The following MAD1L1 variants were observed in gnomAD, a reference collection of about 807,000 sequenced individuals.
MAD1L1 encodes the protein mitotic arrest deficient 1 like 1.
MAD1L1 carries 95 observed loss-of-function variants against 96.9 expected under a neutral mutation model. The ratio of observed to expected loss-of-function variants is 0.98; its 90% CI spans 0.83 to 1.16. The LOEUF is 1.16. MAD1L1 is among the 50% of genes most tolerant of loss of function. MAD1L1 has a pLI of 0.00. For synonymous variants in MAD1L1, 473 were observed against 396.6 expected (o/e 1.19, Z -2.29); for missense variants, 1,007 against 954.4 (o/e 1.06, Z -0.73).
chr7:2,144,921 G>A (rs1018661730), intron 11 of MAD1L1, among the ~76,000 whole-genome samples: 2 of 152,122 alleles, frequency 1.3e-5, no homozygotes, highest in African/African-American at 2.4e-5. Flanking sequence ...TCTCTGACAC[G>A]CTCTGCTCAC....
At chr7:2,180,560 T>TA (rs2128600709) in intron 10 of MAD1L1, among the ~76,000 whole-genome samples, 1 of 152,288 alleles carries the variant, frequency 6.6e-6, no homozygotes, top group South Asian at 2.1e-4. Flanking sequence ...GGTTTTGTAA[T>TA]AAAAATAGTG....
intron 18 of MAD1L1, among the ~76,000 whole-genome samples, chr7:1,822,268 CTGTT>C (rs1416382445): frequency 1.3e-5 from 2 of 151,888 alleles, no homozygotes; most frequent in Non-Finnish European, 1.5e-5. Context: ...TGTATAGTGT[CTGTT>C]TGCAGAAAGT....
chr7:2,109,851 G>A (rs190507778), intron 11 of MAD1L1, among the ~76,000 whole-genome samples: 7 of 152,328 alleles, frequency 4.6e-5, no homozygotes, highest in Non-Finnish European at 1.0e-4. Flanking sequence ...TACAGGATAC[G>A]CTAATTATTC....
chr7:1,938,814 C>T (rs1375526403), intron 16 of MAD1L1, among the ~76,000 whole-genome samples: 1 of 147,418 alleles, frequency 6.8e-6, no homozygotes, highest in Non-Finnish European at 1.5e-5. Context: ...CGCACACACA[C>T]ACACGGGCCA....
chr7:1,919,248 G>A (rs1341534039), intron 17 of MAD1L1, among the ~76,000 whole-genome samples: 2 of 152,250 alleles, frequency 1.3e-5, no homozygotes, highest in Non-Finnish European at 1.5e-5. Context: ...CTGTTACGAC[G>A]TGGAGCAGGA....
At chr7:1,854,615 G>A (rs1784153051) in intron 18 of MAD1L1, among the ~76,000 whole-genome samples, 1 of 152,038 alleles carries the variant, frequency 6.6e-6, no homozygotes, top group Admixed American at 6.5e-5. Context: ...CGAAGACCCC[G>A]CCTCCTCATG....
chr7:2,142,560 G>C lies in MAD1L1; in HGVS notation c.1073+6592C>G, dbSNP rs1013258333. Among the ~76,000 whole-genome samples, 1 of 152,248 alleles carries C rather than the reference G, an allele frequency of 6.6e-6. No homozygotes were observed. Among genetic ancestry groups the C allele is most frequent in the Non-Finnish European group, 1.5e-5 (1 of 68,038 alleles). On this transcript the variant is annotated intron_variant, in intron 11 of 18. Transcript: ENST00000265854. This position sits in a 1 kb window ranked among gnomAD's most constrained non-coding sequence, Gnocchi z 4.7. ...CCACTGAGCCCACGGTGAAGGGCACGGTGCCACCCAGAGCTCCTGGCGCGT... is the reference window on the plus strand; with the variant it reads ...CCACTGAGCCCACGGTGAAGGGCACCGTGCCACCCAGAGCTCCTGGCGCGT...
chr7:1,965,621 G>A (rs887405786), intron 15 of MAD1L1, among the ~76,000 whole-genome samples: 9 of 152,236 alleles, frequency 5.9e-5, no homozygotes, highest in Non-Finnish European at 7.3e-5. Context: ...TGGACTCCCC[G>A]GCCCCCGTGG....
intron 18 of MAD1L1, among the ~76,000 whole-genome samples, chr7:1,887,548 C>CGT: frequency 7.5e-6 from 1 of 132,888 alleles, no homozygotes; most frequent in East Asian, 2.3e-4. Context: ...GCTGCCTGTG[C>CGT]ATGTGTGCAA....
chr7:2,072,361 C>G (rs17132133), intron 11 of MAD1L1, among the ~76,000 whole-genome samples: 3 of 152,196 alleles, frequency 2.0e-5, no homozygotes, highest in Non-Finnish European at 4.4e-5. Flanking sequence ...TCCCATCAGC[C>G]GCCTCGGAAA....
intron 16 of MAD1L1, among the ~76,000 whole-genome samples, chr7:1,947,973 G>C (rs1259129215): frequency 1.3e-5 from 2 of 152,244 alleles, no homozygotes; most frequent in African/African-American, 4.8e-5. Context: ...TGAGGCCCAA[G>C]GAGGGACAGA....
At chr7:2,198,089 T>TG (rs1189435250) in intron 10 of MAD1L1, among the ~76,000 whole-genome samples, 11 of 149,166 alleles carry the variant, frequency 7.4e-5, no homozygotes, top group African/African-American at 2.7e-4. Flanking sequence ...TTGGGTTTTT[T>TG]TTTTTTTTTT....
chr7:2,224,660 C>A (rs1477299455), intron 4 of MAD1L1, among the ~76,000 whole-genome samples: 1 of 152,210 alleles, frequency 6.6e-6, no homozygotes, highest in Non-Finnish European at 1.5e-5. Flanking sequence ...GCCAGGGAGA[C>A]TTTCCGCCCA....
chr7:2,190,003 G>T lies in MAD1L1; in HGVS notation c.986+23209C>A, dbSNP rs184282518. On this transcript the variant is annotated intron_variant, in intron 10 of 18. Coordinates refer to ENST00000265854, the MANE Select transcript of MAD1L1 (RefSeq NM_001013836.2). The stretch of plus-strand genomic sequence containing the variant: ...TGGAGGTCCCAGTGAGTGCACTAAG[G>T]CAAGAAAAAATAAACGAAATAAAAA... 2.7e-3 allele frequency among the ~76,000 whole-genome samples: 408 copies of T among 151,994 alleles called. 3 individuals are homozygous for T. Among genetic ancestry groups the T allele is most frequent in the African/African-American group, 9.4e-3 (389 of 41,446 alleles).
chr7:2,011,708 C>T (rs1319308441), intron 13 of MAD1L1, among the ~76,000 whole-genome samples: 1 of 152,222 alleles, frequency 6.6e-6, no homozygotes, highest in Admixed American at 6.5e-5. Flanking sequence ...GTGGTGGCTG[C>T]TCCACAGACC....
At chr7:2,227,173 G>A (rs1793945836) in intron 3 of MAD1L1, among the ~76,000 whole-genome samples, 1 of 151,540 alleles carries the variant, frequency 6.6e-6, no homozygotes, top group Non-Finnish European at 1.5e-5. Flanking sequence ...TAACGCACCT[G>A]TAATCTCAGC....
rs2128483929 is a variant in MAD1L1 at position 1,980,553 on chromosome 7, C to T, written c.1417-12G>A. The T allele has an allele frequency of 1.2e-6, 2 of 1,605,948 alleles. No individual in the cohort carries two copies. Among genetic ancestry groups the T allele is most frequent in the Non-Finnish European group, 8.5e-7 (1 of 1,175,518 alleles). On this transcript the variant is annotated splice_polypyrimidine_tract_variant and intron_variant, in intron 14 of 18. Transcript: ENST00000265854. ...AGCTCCATCTCCAGCTAGGAGAAAG[C>T]AAAGGATAGAGGGTCAGCAGACACG...
At chr7:1,941,000 G>GCAGGCCTCAC (rs1778965325) in intron 16 of MAD1L1, among the ~76,000 whole-genome samples, 22 of 78,022 alleles carry the variant, frequency 2.8e-4, no homozygotes, top group East Asian at 1.6e-3. Flanking sequence ...CCAGGCCTCA[G>GCAGGCCTCAC]CCTCCTCTTC....
chr7:2,201,443 G>A (rs745912789), intron 10 of MAD1L1, among the ~76,000 whole-genome samples: 23 of 152,146 alleles, frequency 1.5e-4, no homozygotes, highest in Non-Finnish European at 2.4e-4. Flanking sequence ...GGGACAGCAC[G>A]CAACAGGACC....
Sources: allele counts gnomAD v4.1 joint callset (sites outside exome capture counted in the v4.1 genomes callset), GRCh38; gene constraint gnomAD v4.1.1; non-coding constraint Gnocchi (gnomAD v3.1); transcripts MANE v1.5; gene names NCBI Gene and HGNC (gene_info 2026-07-23, HGNC 2026-07-21).